SMYD3: variants seen among roughly 807,000 people sequenced by gnomAD.
SMYD3 encodes the protein SET and MYND domain containing 3, also known as histone-lysine N-methyltransferase SMYD3.
A neutral mutation model predicts 57.7 loss-of-function variants in SMYD3; 36 were observed. That is an observed-to-expected ratio of 0.62 (90% CI 0.48 to 0.82). The LOEUF is 0.82. Among genes scored for constraint, SMYD3 ranks in the 40% least tolerant of loss-of-function variants. The probability of loss-of-function intolerance (pLI) is 0.00; values close to 1 mark genes in which losing one functional copy is unlikely to be tolerated. For synonymous variants in SMYD3, 211 were observed against 195.0 expected, an observed-to-expected ratio of 1.08 and a Z score of -0.68; for missense variants, 515 against 538.8, an observed-to-expected ratio of 0.96 and a Z score of 0.44.
chr1:245,775,175 G>A (rs1216702668), intron 10 of SMYD3, among the ~76,000 whole-genome samples: 1 of 152,190 alleles, frequency 6.6e-6, no homozygotes, highest in African/African-American at 2.4e-5. Context: ...TCCAAGAGGT[G>A]GGGGACACCC....
intron 9 of SMYD3, among the ~76,000 whole-genome samples, chr1:245,860,730 G>A (rs991614860): frequency 6.6e-6 from 1 of 152,232 alleles, no homozygotes. Flanking sequence ...TCCCCTAGAG[G>A]TTGGGGGAAG....
intron 7 of SMYD3, among the ~76,000 whole-genome samples, chr1:245,918,484 C>T (rs2055613462): frequency 1.3e-5 from 2 of 152,228 alleles, no homozygotes; most frequent in Admixed American, 1.3e-4. Flanking sequence ...TGAGATCCTT[C>T]AGCTGAGACA....
chr1:246,063,586 T>TCCCTC (rs1220508466), intron 5 of SMYD3, among the ~76,000 whole-genome samples: 1 of 138,050 alleles, frequency 7.2e-6, no homozygotes, highest in African/African-American at 2.7e-5. Context: ...TCACTCCCAT[T>TCCCTC]CCCTCCCCTC....
chr1:245,867,647 CGCGTGCGT>C (rs1553345438), intron 8 of SMYD3, among the ~76,000 whole-genome samples: 1 of 142,514 alleles, frequency 7.0e-6, no homozygotes, highest in Admixed American at 6.9e-5. Context: ...TATGTGCATG[CGCGTGCGT>C]GTGCGTGCGC....
At chr1:246,145,725 C>T (rs1440998494) in intron 5 of SMYD3, among the ~76,000 whole-genome samples, 3 of 152,202 alleles carry the variant, frequency 2.0e-5, no homozygotes, top group African/African-American at 7.2e-5. Flanking sequence ...AAACAGCATT[C>T]ATCTCACAGA....
intron 5 of SMYD3, among the ~76,000 whole-genome samples, chr1:246,079,080 T>C (rs2060595375): frequency 6.6e-6 from 1 of 152,046 alleles, no homozygotes; most frequent in East Asian, 1.9e-4. Flanking sequence ...AAATGGCTTC[T>C]CCATAGGCAG....
chr1:246,203,522 G>A lies in SMYD3; in HGVS notation c.531+123679C>T, dbSNP rs982875224. Among the ~76,000 whole-genome samples the A allele has an allele frequency of 2.6e-5, 4 of 152,164 alleles. No individual in the cohort carries two copies. Among genetic ancestry groups the A allele is most frequent in the African/African-American group, 9.7e-5 (4 of 41,438 alleles). On this transcript the variant is annotated intron_variant, in intron 5 of 11. Transcript: ENST00000490107. The surrounding 1 kb of genome is among the most constrained non-coding windows in gnomAD (Gnocchi z 4.6). ...GGTTTCCTCCGAGCCCTCTCTGGCT[G>A]GAGGAGCCACTGTCTTGCTGCCTCC...
At chr1:246,226,790 G>A (rs1238138203) in intron 5 of SMYD3, among the ~76,000 whole-genome samples, 2 of 152,160 alleles carry the variant, frequency 1.3e-5, no homozygotes, top group African/African-American at 4.8e-5. Context: ...GTGGAGATAT[G>A]CAAGTACTCC....
chr1:246,068,230 C>T (rs376909904), intron 5 of SMYD3, among the ~76,000 whole-genome samples: 2 of 149,762 alleles, frequency 1.3e-5, no homozygotes, highest in South Asian at 2.1e-4. Context: ...GTATATGCCT[C>T]GTGTTTAAAT....
intron 10 of SMYD3, among the ~76,000 whole-genome samples, chr1:245,806,682 G>A (rs899320193): frequency 6.6e-5 from 10 of 151,488 alleles, no homozygotes; most frequent in Admixed American, 3.9e-4. Flanking sequence ...AGGCCGAGGC[G>A]GGTGGATCAT....
chr1:246,305,845 C>G (rs1302629889), intron 5 of SMYD3: 1 of 152,192 alleles, frequency 6.6e-6, no homozygotes, highest in Non-Finnish European at 1.5e-5. Context: ...CAGCCCAACT[C>G]TCCTCTTTAA....
At chr1:245,995,372 T>A (rs1337612917) in intron 5 of SMYD3, among the ~76,000 whole-genome samples, 2 of 152,196 alleles carry the variant, frequency 1.3e-5, no homozygotes, top group African/African-American at 2.4e-5. Context: ...ATATGACAAG[T>A]ATTTAGCCTA....
At chr1:246,302,927 T>C (rs2064916004) in intron 5 of SMYD3, among the ~76,000 whole-genome samples, 1 of 152,202 alleles carries the variant, frequency 6.6e-6, no homozygotes, top group Non-Finnish European at 1.5e-5. Flanking sequence ...ACAAAAGGTA[T>C]GTGGACCCAA....
At chr1:245,851,240 A>G (rs2050957557) in intron 10 of SMYD3, among the ~76,000 whole-genome samples, 1 of 152,156 alleles carries the variant, frequency 6.6e-6, no homozygotes, top group Admixed American at 6.5e-5. Flanking sequence ...TGGCTGTTGA[A>G]GGCTATCTGT....
chr1:246,089,686 A>G (rs1437747160), intron 5 of SMYD3, among the ~76,000 whole-genome samples: 2 of 152,304 alleles, frequency 1.3e-5, no homozygotes, highest in Non-Finnish European at 1.5e-5. Context: ...GTTTTCAACT[A>G]CTCAACCAAA....
intron 5 of SMYD3, among the ~76,000 whole-genome samples, chr1:246,054,531 C>A (rs963452436): frequency 6.6e-6 from 1 of 152,278 alleles, no homozygotes; most frequent in East Asian, 1.9e-4. Flanking sequence ...CTACACAACA[C>A]AACACTATTC....
At chr1:246,072,457 G>A (rs2147795061) in intron 5 of SMYD3, among the ~76,000 whole-genome samples, 1 of 152,344 alleles carries the variant, frequency 6.6e-6, no homozygotes, top group East Asian at 1.9e-4. Context: ...CAGTGTGGAT[G>A]AATCGTGTTA....
chr1:246,406,402 G>T (rs951079442), intron 1 of SMYD3, among the ~76,000 whole-genome samples: 3 of 152,110 alleles, frequency 2.0e-5, no homozygotes, highest in African/African-American at 7.2e-5. Flanking sequence ...CTGAATTTTT[G>T]AATTTTGCCC....
At chr1:246,169,999 T>C (rs2062300730) in intron 5 of SMYD3, among the ~76,000 whole-genome samples, 1 of 152,190 alleles carries the variant, frequency 6.6e-6, no homozygotes, top group African/African-American at 2.4e-5. Flanking sequence ...TTTTCAAGTT[T>C]TGATAACAAA....
Sources: gnomAD v4.1 joint callset for allele counts (sites outside exome capture counted in the v4.1 genomes callset) on GRCh38, gnomAD v4.1.1 for gene constraint, Gnocchi (gnomAD v3.1) non-coding constraint, MANE v1.5 for transcripts, NCBI Gene and HGNC (gene_info 2026-07-23, HGNC 2026-07-21) for gene names.